The following MAP3K7 variants were observed in gnomAD, a reference collection of about 807,000 sequenced individuals.
MAP3K7 encodes the protein TGF-beta activated kinase 1.
In MAP3K7, 21 loss-of-function variants were observed where a neutral mutation model predicts 84.8. That is an observed-to-expected ratio of 0.25 (90% CI 0.18 to 0.36). The LOEUF (loss-of-function observed/expected upper bound fraction) is 0.36, where lower values mean the gene tolerates loss of function less well. MAP3K7 is among the 10% of genes least tolerant of loss of function. The pLI is 1.00. For synonymous variants in MAP3K7, 241 were observed against 247.7 expected, an observed-to-expected ratio of 0.97 and a Z score of 0.25; for missense variants, 503 against 747.7, an observed-to-expected ratio of 0.67 and a Z score of 3.82.
rs766463385 is a variant in MAP3K7, at chr6:90,559,805, G to A, written c.482+271C>T. Among the ~76,000 whole-genome samples the A allele has an allele frequency of 2.1e-4, 32 of 152,160 alleles. 1 individual carries two copies. The highest frequency in any genetic ancestry group is 7.3e-5 in the Non-Finnish European group (5 of 68,040). ...ATTATATACTGCAGGCACAAAATGA[G>A]ATTTTTATAGGCTAACAGATTCTAG... On this transcript the variant is annotated intron_variant, in intron 5 of 16. Coordinates refer to ENST00000369329, the MANE Select transcript of MAP3K7 (RefSeq NM_145331.3).
chr6:90,557,383 T>C (rs1776370684), intron 5 of MAP3K7, among the ~76,000 whole-genome samples: 1 of 152,210 alleles, frequency 6.6e-6, no homozygotes. Flanking sequence ...TTCATTTTAA[T>C]TACAAGTTTT....
At chr6:90,525,857 G>A (rs1266060605) in intron 13 of MAP3K7, among the ~76,000 whole-genome samples, 2 of 151,880 alleles carry the variant, frequency 1.3e-5, no homozygotes, top group Non-Finnish European at 2.9e-5. Context: ...ATAAGCCACT[G>A]TGCCTGGCCA....
Position 90,553,498 on chromosome 6 carries a change from A to T in MAP3K7, c.696T>A (p.Ile232=). ...VITRRKPFDE[I]GGPAFRIMWA... ...ACATGATTCGGAAAGCTGGGCCACC[A>T]ATCTCATCAAAGGGTTTCCGACGCG... is the stretch of plus-strand genomic sequence containing the variant. The change falls in exon 7 of 17, where the codon ATT becomes ATA. Residue 232 remains isoleucine (I), a synonymous_variant. Coordinates refer to ENST00000369329, the MANE Select transcript of MAP3K7 (RefSeq NM_145331.3). 6.2e-7 allele frequency: 1 copy of T among 1,614,150 alleles called. No individual in the cohort carries two copies. Among genetic ancestry groups the T allele is most frequent in the Non-Finnish European group, 8.5e-7 (1 of 1,179,996 alleles).
intron 1 of MAP3K7, among the ~76,000 whole-genome samples, chr6:90,573,268 G>GT (rs1427546146): frequency 6.6e-6 from 1 of 152,116 alleles, no homozygotes; most frequent in Non-Finnish European, 1.5e-5. Flanking sequence ...GTAGAAGTTA[G>GT]TATCTTCCCT....
Position 90,543,133 on chromosome 6 carries a change from T to C in MAP3K7, c.1291+1419A>G, listed in dbSNP as rs956163226. 3.3e-5 allele frequency among the ~76,000 whole-genome samples: 5 copies of C among 152,080 alleles called. No homozygotes were observed. In the East Asian group the frequency reaches 7.7e-4, roughly 23 times the overall value. The stretch of plus-strand genomic sequence containing the variant: ...CTTCCACCTCTTTAAAGTACGTCCC[T>C]TATACACAGTACCTTTCCGCATGGA... On this transcript the variant is annotated intron_variant, in intron 12 of 16. Transcript: ENST00000369329.
intron 1 of MAP3K7, among the ~76,000 whole-genome samples, chr6:90,583,083 G>A (rs1385435403): frequency 1.3e-5 from 2 of 151,876 alleles, no homozygotes; most frequent in African/African-American, 2.4e-5. Flanking sequence ...GGGTTTCTCC[G>A]TGTTGGCCAG....
chr6:90,567,319 C>T (rs1776742146), intron 3 of MAP3K7, among the ~76,000 whole-genome samples: 1 of 152,162 alleles, frequency 6.6e-6, no homozygotes, highest in Admixed American at 6.5e-5. Context: ...ACGCATCTGA[C>T]AAAGGGCTAA....
chr6:90,530,041 C>G (rs1775457483), intron 13 of MAP3K7, among the ~76,000 whole-genome samples: 1 of 152,128 alleles, frequency 6.6e-6, no homozygotes, highest in Non-Finnish European at 1.5e-5. Context: ...TACTTTTACC[C>G]TTGACAAAGC....
At position 90,552,974 on chromosome 6, in the gene MAP3K7, C is replaced by T. The variant is rs536861072; in HGVS notation, c.736+484G>A. 5.3e-5 allele frequency among the ~76,000 whole-genome samples: 8 copies of T among 152,304 alleles called. 1 individual carries two copies. Among genetic ancestry groups the T allele is most frequent in the Admixed American group, 4.6e-4 (7 of 15,300 alleles). On this transcript the variant is annotated intron_variant, in intron 7 of 16. Coordinates refer to ENST00000369329, the MANE Select transcript of MAP3K7 (RefSeq NM_145331.3). The stretch of plus-strand genomic sequence containing the variant: ...TAATCTGTAAAATGAGGCAACAGTA[C>T]TCACCTTCTAAGGGTGGGTGAGAAT...
At chr6:90,539,648 C>T (rs983722552) in intron 12 of MAP3K7, among the ~76,000 whole-genome samples, 1 of 151,800 alleles carries the variant, frequency 6.6e-6, no homozygotes, top group Non-Finnish European at 1.5e-5. Context: ...GGCTCTTGAA[C>T]CAAATATACT....
chr6:90,561,053 T>A (rs1043986850), intron 4 of MAP3K7, among the ~76,000 whole-genome samples: 5 of 151,886 alleles, frequency 3.3e-5, no homozygotes, highest in African/African-American at 1.2e-4. Flanking sequence ...CATAAAATAA[T>A]ACTAATTAAA....
chr6:90,526,659 CT>C (rs1234354558), intron 13 of MAP3K7, among the ~76,000 whole-genome samples: 1 of 151,714 alleles, frequency 6.6e-6, no homozygotes, highest in Non-Finnish European at 1.5e-5. Flanking sequence ...AAGAATTTGC[CT>C]CCCAAAATGA....
intron 14 of MAP3K7, among the ~76,000 whole-genome samples, chr6:90,520,317 CAAG>C (rs1775107422): frequency 6.6e-6 from 1 of 151,966 alleles, no homozygotes; most frequent in Admixed American, 6.6e-5. Flanking sequence ...CAAAAAAACT[CAAG>C]AAGGGTTGCT....
chr6:90,570,502 G>C (rs1219521071), intron 2 of MAP3K7, among the ~76,000 whole-genome samples: 1 of 152,142 alleles, frequency 6.6e-6, no homozygotes, highest in Non-Finnish European at 1.5e-5. Context: ...ACTAGAGGTT[G>C]ATTCTTTAGA....
chr6:90,564,200 T>C (rs1252035860), intron 3 of MAP3K7, among the ~76,000 whole-genome samples: 1 of 152,126 alleles, frequency 6.6e-6, no homozygotes, highest in African/African-American at 2.4e-5. Context: ...AATGACAGGA[T>C]CAAATTCACA....
At chr6:90,583,629 CCTTAAA>C (rs1214845293) in intron 1 of MAP3K7, among the ~76,000 whole-genome samples, 1 of 152,172 alleles carries the variant, frequency 6.6e-6, no homozygotes, top group Non-Finnish European at 1.5e-5. Context: ...CTGGAAAAGA[CCTTAAA>C]TGATCTTGTT....
At chr6:90,568,005 C>G (rs181723878) in intron 3 of MAP3K7, among the ~76,000 whole-genome samples, 9 of 152,158 alleles carry the variant, frequency 5.9e-5, no homozygotes, top group Middle Eastern at 3.4e-3. Flanking sequence ...TAGATGGGAA[C>G]TGAACAATGA....
intron 11 of MAP3K7, among the ~76,000 whole-genome samples, chr6:90,545,552 T>C (rs1775977220): frequency 6.6e-6 from 1 of 152,134 alleles, no homozygotes; most frequent in Non-Finnish European, 1.5e-5. Context: ...CATGAGGGTA[T>C]GTCCCGGTGA....
intron 10 of MAP3K7, 136 bp from the exon 11 acceptor site, chr6:90,547,523 C>T (rs917692423): frequency 8.2e-5 from 75 of 913,948 alleles, no homozygotes; most frequent in Middle Eastern, 3.2e-4. Flanking sequence ...GAAGTTTGTA[C>T]GAGAGGGAGC....
Sources: allele counts gnomAD v4.1 joint callset (sites outside exome capture counted in the v4.1 genomes callset), GRCh38; gene constraint gnomAD v4.1.1; transcripts MANE v1.5; gene names NCBI Gene and HGNC (gene_info 2026-07-23, HGNC 2026-07-21).